ANO4: variants seen among roughly 807,000 people sequenced by gnomAD.
The protein encoded by ANO4 is anoctamin 4.
ANO4 carries 69 observed loss-of-function variants against 141.9 expected under a neutral mutation model. The ratio of observed to expected loss-of-function variants is 0.49; its 90% CI spans 0.40 to 0.59. The LOEUF (loss-of-function observed/expected upper bound fraction) is 0.59, where lower values mean the gene tolerates loss of function less well. ANO4 is among the 20% of genes least tolerant of loss of function. The pLI is 0.00. For synonymous variants in ANO4, 350 were observed against 394.3 expected (o/e 0.89, Z 1.33); for missense variants, 894 against 1,162.2 (o/e 0.77, Z 3.36).
intron 8 of ANO4, among the ~76,000 whole-genome samples, chr12:101,011,170 C>CA: frequency 6.6e-6 from 1 of 151,958 alleles, no homozygotes; most frequent in East Asian, 1.9e-4. Context: ...GAACCTATGC[C>CA]AAAAAATCAT....
At chr12:100,797,114 TTA>T (rs1159716256) in intron 1 of ANO4, among the ~76,000 whole-genome samples, 16 of 142,486 alleles carry the variant, frequency 1.1e-4, no homozygotes, top group African/African-American at 3.9e-4. Flanking sequence ...GTGCAATTGT[TTA>T]TATATATGTG....
intron 1 of ANO4, among the ~76,000 whole-genome samples, chr12:100,865,263 C>T (rs7964178): frequency 0.78 from 118,554 of 152,090 alleles, 46,537 homozygotes; most frequent in Admixed American, 0.85. Flanking sequence ...GTAAAAGTGT[C>T]TATATTTCTC....
rs1307740237 is a variant in ANO4, at chr12:100,933,737, G to T, written c.161-5578G>T. Reference sequence around the variant, plus strand: ...ACTAATTTACACTCCCACCAACAATGTAAAAGCATTCCTATTTCTCCACAT... The same window carrying T: ...ACTAATTTACACTCCCACCAACAATTTAAAAGCATTCCTATTTCTCCACAT... On this transcript the variant is annotated intron_variant, in intron 3 of 27. Transcript: ENST00000392977. Among the ~76,000 whole-genome samples, 3 of 152,210 alleles carry T rather than the reference G, an allele frequency of 2.0e-5. No individual in the cohort carries two copies. The East Asian group carries it at 5.8e-4, about 29-fold the overall frequency.
chr12:100,971,869 A>G (rs2043951260), intron 6 of ANO4, among the ~76,000 whole-genome samples: 1 of 152,200 alleles, frequency 6.6e-6, no homozygotes. Flanking sequence ...AAAAAAACAA[A>G]AAAAACCACT....
intron 3 of ANO4, among the ~76,000 whole-genome samples, chr12:100,775,257 G>T (rs1690200785): frequency 1.3e-5 from 2 of 152,200 alleles, no homozygotes; most frequent in Non-Finnish European, 2.9e-5. Flanking sequence ...AAAGGAGGTT[G>T]CTAGAAGTGT....
chr12:100,733,107 A>G (rs569518302), intron 1 of ANO4, among the ~76,000 whole-genome samples: 4 of 152,124 alleles, frequency 2.6e-5, no homozygotes, highest in African/African-American at 9.7e-5. Context: ...CCTCCAATCT[A>G]TCCTGGAAAC....
chr12:100,917,148 G>A (rs1438875329), intron 2 of ANO4, among the ~76,000 whole-genome samples: 1 of 152,152 alleles, frequency 6.6e-6, no homozygotes, highest in Admixed American at 6.5e-5. Context: ...GAAACTTAAA[G>A]ACAAAATGGA....
chr12:100,800,415 A>G (rs2034609667), intron 1 of ANO4, among the ~76,000 whole-genome samples: 1 of 152,192 alleles, frequency 6.6e-6, no homozygotes, highest in African/African-American at 2.4e-5. Context: ...CCAGTGTTCT[A>G]TTTACTGATT....
rs548150690 is a variant in ANO4, at chr12:100,980,909, T to C, written c.602+6020T>C. Among the ~76,000 whole-genome samples, 28 of 152,234 alleles carry C rather than the reference T, an allele frequency of 1.8e-4. 1 individual carries two copies. The highest frequency in any genetic ancestry group is 6.7e-4 in the African/African-American group (28 of 41,552). On this transcript the variant is annotated intron_variant, in intron 7 of 27. Transcript: ENST00000392977. Reference sequence around the variant, plus strand: ...TGGCTGCCCTTTTTTTTTGCCTTCATAAAATATTGCAAATATAGTCTGTGG... The same window carrying C: ...TGGCTGCCCTTTTTTTTTGCCTTCACAAAATATTGCAAATATAGTCTGTGG...
chr12:100,981,467 G>A (rs1039501710), intron 7 of ANO4, among the ~76,000 whole-genome samples: 4 of 151,942 alleles, frequency 2.6e-5, no homozygotes, highest in African/African-American at 9.7e-5. Context: ...AGGAAGAAAG[G>A]AAGGGAGGGA....
chr12:101,104,657 AT>A (rs2050363511), intron 22 of ANO4, among the ~76,000 whole-genome samples: 2 of 63,010 alleles, frequency 3.2e-5, no homozygotes, highest in African/African-American at 1.9e-4. Context: ...ATATATATAT[AT>A]ATATATATAT....
chr12:100,964,752 T>C (rs2136245602), intron 5 of ANO4, among the ~76,000 whole-genome samples: 1 of 152,302 alleles, frequency 6.6e-6, no homozygotes, highest in East Asian at 1.9e-4. Flanking sequence ...TAGAACAGCC[T>C]CCCTGAGTAA....
intron 2 of ANO4, among the ~76,000 whole-genome samples, chr12:100,917,666 C>T (rs142123225): frequency 5.9e-4 from 90 of 152,248 alleles, no homozygotes; most frequent in African/African-American, 2.0e-3. Flanking sequence ...AGCTCCCTCT[C>T]CTTTGTAGTG....
Position 100,729,360 on chromosome 12 carries a change from CAAAAAAAAAAAA to C in ANO4, c.23-4395_23-4384del, listed in dbSNP as rs1156522144. ...TAAAAGCAAGGGCAAAACTCTGTCT[CAAAAAAAAAAAA>C]AAAAAAAAAAAAAAAAAAGGTAACA... On this transcript the variant is annotated intron_variant, in intron 1 of 29. Transcript: ENST00000644049. 4.4e-4 allele frequency among the ~76,000 whole-genome samples: 10 copies of C among 22,576 alleles called. No homozygotes were observed. In the Admixed American group the frequency reaches 4.6e-3, roughly 10 times the overall value. The allele number at this position is 22,576 out of a possible 152,430, so 14.8% of individuals were successfully genotyped here.
At chr12:101,112,667 A>G (rs2050706194) in intron 24 of ANO4, among the ~76,000 whole-genome samples, 1 of 152,184 alleles carries the variant, frequency 6.6e-6, no homozygotes, top group Non-Finnish European at 1.5e-5. Flanking sequence ...ATCGACCCCA[A>G]GGAGTTAAGT....
intron 2 of ANO4, among the ~76,000 whole-genome samples, chr12:100,921,471 G>A (rs537269346): frequency 1.3e-4 from 20 of 152,200 alleles, no homozygotes; most frequent in Middle Eastern, 3.4e-3. Flanking sequence ...TTTAGCCCTG[G>A]CAGACTCCTC....
intron 14 of ANO4, among the ~76,000 whole-genome samples, chr12:101,074,537 C>G (rs1003644924): frequency 6.6e-6 from 1 of 152,170 alleles, no homozygotes; most frequent in Non-Finnish European, 1.5e-5. Context: ...TGTAGGCAAC[C>G]ATATTCTCAG....
chr12:100,922,941 G>T (rs921560414), intron 3 of ANO4, among the ~76,000 whole-genome samples: 14 of 152,016 alleles, frequency 9.2e-5, no homozygotes, highest in Non-Finnish European at 1.6e-4. Flanking sequence ...ATTGAGGATG[G>T]GTGATGCGGT....
intron 17 of ANO4, among the ~76,000 whole-genome samples, chr12:101,090,547 A>G (rs752228444): frequency 1.4e-4 from 22 of 152,160 alleles, no homozygotes; most frequent in Admixed American, 5.2e-4. Flanking sequence ...GAATTGAACA[A>G]TAAGAACACA....
Sources: allele counts gnomAD v4.1 joint callset (sites outside exome capture counted in the v4.1 genomes callset), GRCh38; gene constraint gnomAD v4.1.1; transcripts MANE v1.5; gene names NCBI Gene and HGNC (gene_info 2026-07-23, HGNC 2026-07-21).